The following SLCO1A2 variants were observed in gnomAD, a reference collection of about 807,000 sequenced individuals.
The protein encoded by SLCO1A2 is solute carrier organic anion transporter family member 1A2.
A neutral mutation model predicts 69.0 loss-of-function variants in SLCO1A2; 67 were observed. That is an observed-to-expected ratio of 0.97 (90% confidence interval 0.80 to 1.19). The LOEUF is 1.19. Ranked by LOEUF, SLCO1A2 falls within the 50% of genes most tolerant of loss-of-function variation. SLCO1A2 has a pLI of 0.00. For missense variants in SLCO1A2, 787 were observed against 793.7 expected (o/e 0.99, Z 0.10); for synonymous variants, 260 against 265.9 (o/e 0.98, Z 0.22).
At chr12:21,378,216 A>T (rs375504788) in intron 1 of SLCO1A2, 1 of 1,611,600 alleles carries the variant, frequency 6.2e-7, no homozygotes, top group African/African-American at 1.3e-5. Flanking sequence ...CTAACTTTTC[A>T]CATTTGTTCC....
chr12:21,331,192 A>G (rs1301759802), intron 2 of SLCO1A2, among the ~76,000 whole-genome samples: 1 of 152,082 alleles, frequency 6.6e-6, no homozygotes, highest in Non-Finnish European at 1.5e-5. Flanking sequence ...CTCCACAGAG[A>G]AAGAAAGGGT....
At chr12:21,299,371 C>CA (rs139863986) in intron 8 of SLCO1A2, among the ~76,000 whole-genome samples, 10,765 of 151,270 alleles carry the variant, frequency 0.071, 1,222 homozygotes, top group African/African-American at 0.24. Flanking sequence ...GGTTCTGTAC[C>CA]AAAAAAAATG....
intron 4 of SLCO1A2, chr12:21,311,887 C>CCCGGCG (rs1164089589): frequency 1.1e-5 from 1 of 90,342 alleles, no homozygotes; most frequent in African/African-American, 5.6e-5. Flanking sequence ...GATCACGCCA[C>CCCGGCG]TGCACTCGAG....
intron 2 of SLCO1A2, among the ~76,000 whole-genome samples, chr12:21,366,940 GA>G (rs1057490114): frequency 6.6e-6 from 1 of 151,744 alleles, no homozygotes; most frequent in African/African-American, 2.4e-5. Flanking sequence ...CAAATATCAA[GA>G]AAAAATTCAA....
At chr12:21,344,598 T>C (rs897644869) in intron 2 of SLCO1A2, among the ~76,000 whole-genome samples, 1 of 152,074 alleles carries the variant, frequency 6.6e-6, no homozygotes, top group Non-Finnish European at 1.5e-5. Flanking sequence ...GAGGCACATA[T>C]ATGTAGTCTG....
chr12:21,383,939 A>C (rs1038929091), intron 1 of SLCO1A2, among the ~76,000 whole-genome samples: 1 of 148,742 alleles, frequency 6.7e-6, no homozygotes, highest in African/African-American at 2.6e-5. Flanking sequence ...TAATGAAAAA[A>C]CAAATTATTT....
intron 2 of SLCO1A2, among the ~76,000 whole-genome samples, chr12:21,363,960 C>T (rs1297830316): frequency 6.6e-6 from 1 of 152,124 alleles, no homozygotes; most frequent in African/African-American, 2.4e-5. Flanking sequence ...CCGAATTCTA[C>T]CAGAGGTAAA....
exon 1 of SLCO1A2, chr12:21,395,435 G>C (rs566641888): frequency 6.5e-6 from 1 of 154,520 alleles, no homozygotes; most frequent in African/African-American, 2.4e-5. Context: ...AGGCAGCAGC[G>C]AGACTGGGGG....
chr12:21,400,987 C>A (rs1167007097), intron 1 of SLCO1A2, among the ~76,000 whole-genome samples: 5 of 150,228 alleles, frequency 3.3e-5, no homozygotes, highest in African/African-American at 1.2e-4. Flanking sequence ...TGTAACTAAC[C>A]TGCACAATGT....
chr12:21,416,588 T>A (rs1453253565), intron 1 of SLCO1A2, among the ~76,000 whole-genome samples: 1 of 152,042 alleles, frequency 6.6e-6, no homozygotes, highest in Non-Finnish European at 1.5e-5. Flanking sequence ...TTGGTTTAAT[T>A]GTCTGCAGGC....
chr12:21,303,688 G>A (rs1434067211), intron 6 of SLCO1A2, among the ~76,000 whole-genome samples: 2 of 152,184 alleles, frequency 1.3e-5, no homozygotes, highest in East Asian at 3.8e-4. Flanking sequence ...GCACAAGAAG[G>A]TGGGTCTTAA....
intron 2 of SLCO1A2, among the ~76,000 whole-genome samples, chr12:21,357,586 A>G (rs1250274927): frequency 2.0e-5 from 3 of 152,224 alleles, no homozygotes; most frequent in Non-Finnish European, 1.5e-5. Flanking sequence ...CAACTGGACT[A>G]TATGTAAGGA....
At chr12:21,324,719 A>T (rs1184882103) in intron 2 of SLCO1A2, 1 of 152,204 alleles carries the variant, frequency 6.6e-6, no homozygotes, top group Non-Finnish European at 1.5e-5. Context: ...TAACCAGAGC[A>T]TCAGCCTTCC....
chr12:21,265,719 T>C lies in SLCO1A2; in HGVS notation c.*3829A>G, dbSNP rs562677896. On this transcript the variant is annotated 3_prime_UTR_variant, in exon 15 of 15. Coordinates refer to ENST00000683939, the MANE Select transcript of SLCO1A2 (RefSeq NM_001386879.1). The stretch of plus-strand genomic sequence containing the variant: ...TCAGGAGAATTTCCTCAAGGTGTCT[T>C]GAAACCTGCACTCTCCAGTTCCTTG... 2.5e-4 allele frequency: 38 copies of C among 152,264 alleles called. No homozygotes were observed. The highest frequency in any genetic ancestry group is 9.1e-4 in the African/African-American group (38 of 41,552). 9.4% of individuals were successfully genotyped at this position (152,264 alleles called of 1,614,324 possible).
chr12:21,402,365 A>G (rs1294627759), intron 1 of SLCO1A2, among the ~76,000 whole-genome samples: 2 of 152,114 alleles, frequency 1.3e-5, no homozygotes, highest in African/African-American at 4.8e-5. Context: ...ACTGGGGTTT[A>G]TAAGAGAGGA....
At chr12:21,315,133 G>A (rs927222218) in intron 3 of SLCO1A2, among the ~76,000 whole-genome samples, 1 of 152,162 alleles carries the variant, frequency 6.6e-6, no homozygotes, top group Non-Finnish European at 1.5e-5. Context: ...TCAAATTTAG[G>A]TAGCTGAATG....
At chr12:21,393,367 T>G (rs1941255695) in intron 1 of SLCO1A2, among the ~76,000 whole-genome samples, 1 of 152,180 alleles carries the variant, frequency 6.6e-6, no homozygotes, top group African/African-American at 2.4e-5. Context: ...TTAAGATTAA[T>G]TACTCCTGTT....
At chr12:21,281,311 G>T (rs1944744891) in intron 12 of SLCO1A2, among the ~76,000 whole-genome samples, 1 of 151,942 alleles carries the variant, frequency 6.6e-6, no homozygotes, top group African/African-American at 2.4e-5. Context: ...TTAGCTGGGT[G>T]TGGTGGTGTG....
intron 12 of SLCO1A2, among the ~76,000 whole-genome samples, chr12:21,277,304 A>G (rs1944041654): frequency 6.8e-6 from 1 of 147,290 alleles, no homozygotes; most frequent in Non-Finnish European, 1.5e-5. Flanking sequence ...TCAGAAGGGA[A>G]CCTGCTGTCT....
Sources: allele counts gnomAD v4.1 joint callset (sites outside exome capture counted in the v4.1 genomes callset), GRCh38; gene constraint gnomAD v4.1.1; transcripts MANE v1.5; gene names NCBI Gene and HGNC (gene_info 2026-07-23, HGNC 2026-07-21).